Variants in CFAP298 observed in about 807,000 individuals in gnomAD.
CFAP298 encodes cilia and flagella associated protein 298.
CFAP298 carries 38 observed loss-of-function variants against 41.0 expected under a neutral mutation model. That is an observed-to-expected ratio of 0.93 (90% confidence interval 0.72 to 1.22). The LOEUF is 1.22. Among genes scored for constraint, CFAP298 ranks in the 50% most tolerant of loss-of-function variants. The pLI, the probability that CFAP298 is intolerant of heterozygous loss-of-function variation, is 0.00. For missense variants in CFAP298, 348 were observed against 360.3 expected (o/e 0.97, Z 0.28); for synonymous variants, 137 against 135.3 (o/e 1.01, Z -0.09).
At position 32,602,141 on chromosome 21, in the gene CFAP298, G is replaced by A. The variant is rs112874034; in HGVS notation, c.762+131C>T. ...CACCTGGCAGGACCCCGACAGACCT[G>A]CAGACAGAAGCTCTAGAAAGACCCC... On this transcript the variant is annotated intron_variant, in intron 6 of 6. Coordinates refer to ENST00000290155, the MANE Select transcript of CFAP298 (RefSeq NM_021254.4). The A allele has an allele frequency of 7.5e-5, 72 of 954,892 alleles. 1 individual carries two copies. In the African/African-American group the frequency reaches 1.1e-3, roughly 14 times the overall value. The allele number at this position is 954,892 out of a possible 1,614,324, so 59.2% of individuals were successfully genotyped here.
Position 32,610,022 on chromosome 21 carries a change from A to G in CFAP298, c.140-17T>C, listed in dbSNP as rs777658239. ...CTTCCATTTCTTAAAAATAAGTGAA[A>G]GACAGTATCACAATCATAACACCTC... On this transcript the variant is annotated splice_polypyrimidine_tract_variant and intron_variant, in intron 1 of 6. Transcript: ENST00000290155. 29 of 1,607,310 alleles carry G rather than the reference A, an allele frequency of 1.8e-5. No individual in the cohort carries two copies. In the South Asian group the frequency reaches 3.2e-4, roughly 18 times the overall value.
In CFAP298 at chr21:32,601,708, A is replaced by T. The variant is rs2038742545; in HGVS notation, c.*155T>A. The stretch of plus-strand genomic sequence containing the variant: ...TATTTATTAAGTTCTAAAACCTTGA[A>T]TAACTGCTATTTTAAAAATTCACAC... On this transcript the variant is annotated 3_prime_UTR_variant, in exon 7 of 7. Coordinates refer to ENST00000290155, the MANE Select transcript of CFAP298 (RefSeq NM_021254.4). The T allele has an allele frequency of 1.8e-6, 1 of 566,256 alleles. No individual in the cohort carries two copies. The highest frequency in any genetic ancestry group is 2.5e-5 in the South Asian group (1 of 40,224). The allele number at this position is 566,256 out of a possible 1,614,324, so 35.1% of individuals were successfully genotyped here.
intron 4 of CFAP298, 94 bp from the exon 5 acceptor site, chr21:32,603,386 T>A: frequency 1.4e-6 from 2 of 1,388,800 alleles, no homozygotes; most frequent in Non-Finnish European, 2.0e-6. Context: ...GGGGACAGAT[T>A]TCTCCCCGTG....
At chr21:32,602,835 A>G in intron 5 of CFAP298, 2 of 1,406,256 alleles carry the variant, frequency 1.4e-6, no homozygotes. Flanking sequence ...AGCAGTTTGA[A>G]AAAGCCTGAA....
intron 2 of CFAP298, among the ~76,000 whole-genome samples, chr21:32,608,031 G>A (rs547390676): frequency 6.6e-6 from 1 of 152,250 alleles, no homozygotes; most frequent in South Asian, 2.1e-4. Flanking sequence ...GGCTTTGCAG[G>A]CCACACAGTC....
Position 32,603,333 on chromosome 21 carries a change from C to A in CFAP298, c.535-41G>T, listed in dbSNP as rs74620393. On this transcript the variant is annotated intron_variant, in intron 4 of 6. Coordinates refer to ENST00000290155, the MANE Select transcript of CFAP298 (RefSeq NM_021254.4). ...AGAATGGCTTGACTGTGTGTTCCCA[C>A]CCAGGGGGCAGAGCCCAGCTGAGCC... 4.7e-3 allele frequency: 7,530 copies of A among 1,610,506 alleles called. 431 individuals are homozygous for A. In the East Asian group the frequency reaches 0.13, roughly 29 times the overall value.
intron 1 of CFAP298, 25 bp downstream of exon 1, chr21:32,612,080 G>C: frequency 6.5e-7 from 1 of 1,540,780 alleles, no homozygotes; most frequent in East Asian, 2.5e-5. Context: ...GATCTGTCCG[G>C]GATGGGCCCA....
intron 2 of CFAP298, 28 bp downstream of exon 2, chr21:32,609,810 T>C: frequency 6.3e-6 from 10 of 1,595,810 alleles, no homozygotes; most frequent in Non-Finnish European, 8.6e-6. Flanking sequence ...GTATCAAGCA[T>C]GCACATAGAA....
rs2038733421 is a variant in CFAP298 at position 32,601,397 on chromosome 21, A to G, written c.*466T>C. Among the ~76,000 whole-genome samples the G allele has an allele frequency of 7.0e-6, 1 of 142,382 alleles. No individual in the cohort carries two copies. The highest frequency in any genetic ancestry group is 1.5e-5 in the Non-Finnish European group (1 of 67,120). The allele number at this position is 142,382 out of a possible 152,430, so 93.4% of individuals were successfully genotyped here. A position where few individuals can be genotyped will look rare whatever the true frequency, so the allele number is the denominator to read the frequency against. ...ACTGTAAGCTCCACCTCCCGGGTTCACGCCATTCTCCTGCCTCAGCCTCCC... is the reference window on the plus strand; with the variant it reads ...ACTGTAAGCTCCACCTCCCGGGTTCGCGCCATTCTCCTGCCTCAGCCTCCC... On this transcript the variant is annotated 3_prime_UTR_variant, in exon 7 of 7. Coordinates refer to ENST00000290155, the MANE Select transcript of CFAP298 (RefSeq NM_021254.4).
intron 3 of CFAP298, 64 bp from the exon 4 acceptor site, chr21:32,604,347 T>A: frequency 7.6e-6 from 12 of 1,584,608 alleles, no homozygotes; most frequent in Non-Finnish European, 9.5e-6. Context: ...TCGATCAAGA[T>A]CTTGTACAAG....
intron 3 of CFAP298, among the ~76,000 whole-genome samples, chr21:32,606,946 C>A (rs189916762): frequency 0.015 from 2,342 of 151,224 alleles, 25 homozygotes; most frequent in Middle Eastern, 0.024. Flanking sequence ...TTACAAAAAA[C>A]CATTTATATC....
At chr21:32,603,336 A>C in intron 4 of CFAP298, 44 bp from the exon 5 acceptor site, 1 of 1,609,744 alleles carries the variant, frequency 6.2e-7, no homozygotes, top group Non-Finnish European at 8.5e-7. Flanking sequence ...GTTCCCACCC[A>C]GGGGGCAGAG....
chr21:32,606,022 A>C (rs2038860407), intron 3 of CFAP298, among the ~76,000 whole-genome samples: 1 of 152,230 alleles, frequency 6.6e-6, no homozygotes, highest in African/African-American at 2.4e-5. Context: ...CCCCACTTCA[A>C]ACCTAGAGGT....
chr21:32,599,721 G>C lies in CFAP298; in HGVS notation c.*2142C>G, dbSNP rs1782962. Among the ~76,000 whole-genome samples the C allele has an allele frequency of 6.6e-6, 1 of 152,068 alleles. No homozygotes were observed. The highest frequency in any genetic ancestry group is 1.9e-4 in the East Asian group (1 of 5,188). On this transcript the variant is annotated 3_prime_UTR_variant, in exon 7 of 7. Coordinates refer to ENST00000290155, the MANE Select transcript of CFAP298 (RefSeq NM_021254.4). The stretch of plus-strand genomic sequence containing the variant: ...GATGCAAAGGGAACACACACAGCAC[G>C]GTGCCACAGCGGGCACCACCTGCCC...
rs942893175 is a variant in CFAP298, at chr21:32,602,968, A to G, written c.666+193T>C. 12 of 1,026,526 alleles carry G rather than the reference A, an allele frequency of 1.2e-5. No homozygotes were observed. In the South Asian group the frequency reaches 2.0e-4, roughly 17 times the overall value. 63.6% of individuals were successfully genotyped at this position (1,026,526 alleles called of 1,614,324 possible). Reference sequence around the variant, plus strand: ...CCACATATTAAAACAAACTCTAGATATTGGTACTCAATCCATATTTTCTTC... The same window carrying G: ...CCACATATTAAAACAAACTCTAGATGTTGGTACTCAATCCATATTTTCTTC... On this transcript the variant is annotated intron_variant, in intron 5 of 6. Coordinates refer to ENST00000290155, the MANE Select transcript of CFAP298 (RefSeq NM_021254.4).
Position 32,608,549 on chromosome 21 carries a change from C to G in CFAP298, c.308-833G>C, listed in dbSNP as rs144827042. ...GCAGGCATGTGTAATCCCAGCTACT[C>G]TGGAGGCTGAGGCAGGAGAATCACT... On this transcript the variant is annotated intron_variant, in intron 2 of 6. Transcript: ENST00000290155. Among the ~76,000 whole-genome samples, 89 of 149,756 alleles carry G rather than the reference C, an allele frequency of 5.9e-4. No individual in the cohort carries two copies. The East Asian group carries it at 0.017, about 29-fold the overall frequency.
chr21:32,612,299 G>T lies in CFAP298; in HGVS notation c.-56C>A. The T allele has an allele frequency of 4.7e-6, 7 of 1,485,976 alleles. No homozygotes were observed. The highest frequency in any genetic ancestry group is 6.3e-6 in the Non-Finnish European group (7 of 1,113,814). The allele number at this position is 1,485,976 out of a possible 1,614,324, so 92.0% of individuals were successfully genotyped here. A position where few individuals can be genotyped will look rare whatever the true frequency, so the allele number is the denominator to read the frequency against. On this transcript the variant is annotated 5_prime_UTR_variant, in exon 1 of 7. Coordinates refer to ENST00000290155, the MANE Select transcript of CFAP298 (RefSeq NM_021254.4). ...GAAGGCCCCGGCTGCGTGGCCCGCG[G>T]GTCCTGCCGGCCGAGGGTCGCCGGA...
intron 5 of CFAP298, 91 bp from the exon 6 acceptor site, chr21:32,602,458 G>GCCGGCTA: frequency 6.6e-7 from 1 of 1,508,244 alleles, no homozygotes; most frequent in African/African-American, 1.4e-5. Context: ...GATTGCCTTT[G>GCCGGCTA]CCGGCTACTA....
chr21:32,602,259 T>G lies in CFAP298; in HGVS notation c.762+13A>C. The G allele has an allele frequency of 3.7e-6, 6 of 1,613,258 alleles. 1 individual carries two copies. The South Asian group carries it at 6.6e-5, about 18-fold the overall frequency. ...GCGCCAGCACTGCAGAAAGCCCATC[T>G]GTCCCCTGCTACCTTGAGCTCCTCT... is the stretch of plus-strand genomic sequence containing the variant. On this transcript the variant is annotated intron_variant, in intron 6 of 6. Coordinates refer to ENST00000290155, the MANE Select transcript of CFAP298 (RefSeq NM_021254.4).
Sources: gnomAD v4.1 joint callset for allele counts (sites outside exome capture counted in the v4.1 genomes callset) on GRCh38, gnomAD v4.1.1 for gene constraint, MANE v1.5 for transcripts, NCBI Gene and HGNC (gene_info 2026-07-23, HGNC 2026-07-21) for gene names.